Variants in PIWIL1 observed in about 807,000 individuals in gnomAD.
The protein encoded by PIWIL1 is piwi-like protein 1.
PIWIL1 carries 73 observed loss-of-function variants against 114.4 expected under a neutral mutation model. The observed-to-expected ratio is 0.64, with a 90% confidence interval of 0.53 to 0.78. PIWIL1 has a LOEUF of 0.78. Ranked by LOEUF, PIWIL1 falls within the 30% of genes least tolerant of loss-of-function variation. PIWIL1 has a pLI of 0.00. For missense variants in PIWIL1, 723 were observed against 1,063.1 expected (o/e 0.68, Z 4.45); for synonymous variants, 375 against 369.0 (o/e 1.02, Z -0.19).
intron 3 of PIWIL1, among the ~76,000 whole-genome samples, chr12:130,343,828 C>G (rs569451489): frequency 6.6e-6 from 1 of 152,010 alleles, no homozygotes; most frequent in African/African-American, 2.4e-5. Flanking sequence ...GGGGTTTCAC[C>G]GTGTTAGCCA....
intron 1 of PIWIL1, among the ~76,000 whole-genome samples, chr12:130,339,005 G>A (rs914658760): frequency 6.6e-6 from 1 of 152,066 alleles, no homozygotes; most frequent in East Asian, 1.9e-4. Flanking sequence ...GAGCTCTGCA[G>A]GAGGGCCTTC....
rs1186526606 is a variant in PIWIL1, at chr12:130,357,521, T to A, written c.1633T>A (p.Leu545Ile). Residue 545 changes from leucine to isoleucine, a missense_variant, in exon 14 of 21, where the codon TTA (leucine) becomes ATA (isoleucine). By Grantham distance (5) the Leu-to-Ile change is conservative. Around this residue, in one of 8 missense-constraint regions of PIWIL1, gnomAD observed 298 missense variants for 420.8 expected, o/e 0.71. Transcript: ENST00000245255. ...DDRTEAYLRV[L>I]QQKVTADTQI... ...CAGAACTGAAGCCTACTTAAGAGTC[T>A]TACAGCAAAAGGTCACAGCAGACAC... The A allele has an allele frequency of 1.2e-6, 2 of 1,613,344 alleles. No homozygotes were observed. Among genetic ancestry groups the A allele is most frequent in the African/African-American group, 2.7e-5 (2 of 74,916 alleles).
chr12:130,345,359 T>C (rs1164511374), intron 3 of PIWIL1: 1 of 155,000 alleles, frequency 6.5e-6, no homozygotes, highest in African/African-American at 2.4e-5. Flanking sequence ...TGTAATTGCA[T>C]CATGACAGAC....
chr12:130,399,932 A>G, the PIWIL1 span: 1 of 1,180,320 alleles, frequency 8.5e-7, no homozygotes, highest in African/African-American at 1.5e-5. Flanking sequence ...CTGGTTCAAA[A>G]GTGGCAGGAC....
At chr12:130,423,495 T>C in the PIWIL1 span, among the ~76,000 whole-genome samples, 5 of 151,928 alleles carry the variant, frequency 3.3e-5, no homozygotes, top group African/African-American at 4.8e-5. Context: ...GGACACAATA[T>C]AGAGATGAAT....
chr12:130,362,230 T>C (rs7311305), intron 16 of PIWIL1, among the ~76,000 whole-genome samples: 5,953 of 152,168 alleles, frequency 0.039, 157 homozygotes, highest in African/African-American at 0.08. Flanking sequence ...TCCTCCCACC[T>C]TCCACCCCCA....
At position 130,362,949 on chromosome 12, in the gene PIWIL1, C is replaced by T. The variant is rs115170081; in HGVS notation, c.2042-42C>T. The T allele has an allele frequency of 2.4e-3, 3,893 of 1,611,922 alleles. 61 individuals carry two copies. In the African/African-American group the frequency reaches 0.039, roughly 16 times the overall value. ...TTTGGGAAGAACAGACGAGTTGTGT[C>T]GTAGGCATGAATTGACATAAAACTT... On this transcript the variant is annotated intron_variant, in intron 17 of 20. Coordinates refer to ENST00000245255, the MANE Select transcript of PIWIL1 (RefSeq NM_004764.5).
intron 14 of PIWIL1, among the ~76,000 whole-genome samples, chr12:130,357,782 C>G (rs2073404236): frequency 6.6e-6 from 1 of 152,134 alleles, no homozygotes; most frequent in Non-Finnish European, 1.5e-5. Flanking sequence ...TGGAGAAAAA[C>G]AAAGCCATCT....
the PIWIL1 span, among the ~76,000 whole-genome samples, chr12:130,401,640 A>ACAT: frequency 6.6e-5 from 10 of 151,866 alleles, no homozygotes; most frequent in African/African-American, 2.4e-4. Flanking sequence ...TTCTCTGTTG[A>ACAT]CATTACAGAC....
chr12:130,402,111 A>T, the PIWIL1 span, among the ~76,000 whole-genome samples: 1 of 151,900 alleles, frequency 6.6e-6, no homozygotes, highest in Non-Finnish European at 1.5e-5. Context: ...GTACCATGTC[A>T]CTCCCTTCCC....
At chr12:130,417,449 T>C in the PIWIL1 span, among the ~76,000 whole-genome samples, 11 of 152,110 alleles carry the variant, frequency 7.2e-5, no homozygotes, top group Admixed American at 2.6e-4. Context: ...CTGGAGGCCA[T>C]CATCCCAAGA....
Position 130,361,218 on chromosome 12 carries a change from C to G in PIWIL1, c.1704C>G (p.Tyr568Ter), listed in dbSNP as rs151261790. 2 of 1,613,980 alleles carry G rather than the reference C, an allele frequency of 1.2e-6. No individual in the cohort carries two copies. The highest frequency in any genetic ancestry group is 1.7e-6 in the Non-Finnish European group (2 of 1,180,026). The change falls in exon 15 of 21, where the codon TAC becomes TAG. Residue 568 changes from tyrosine (Y) to a stop codon, truncating the protein, a stop_gained. Coordinates refer to ENST00000245255, the MANE Select transcript of PIWIL1 (RefSeq NM_004764.5). LOFTEE classifies it high-confidence loss of function. Reference sequence around the variant, plus strand: ...TGTCAAGTAATCGGAAGGACAAATACGATGCTATTAAAAAATACCTGTGTA... The same window carrying G: ...TGTCAAGTAATCGGAAGGACAAATAGGATGCTATTAAAAAATACCTGTGTA... ...CLLSSNRKDK[Y>*]DAIKKYLCTD...
chr12:130,371,123 GA>G, intron 19 of PIWIL1, 52 bp from the exon 20 acceptor site: 1 of 1,498,914 alleles, frequency 6.7e-7, no homozygotes, highest in Non-Finnish European at 9.3e-7. Context: ...TAAGAAACTG[GA>G]ATCACCCTAA....
the PIWIL1 span, among the ~76,000 whole-genome samples, chr12:130,387,652 T>C: frequency 7.9e-6 from 1 of 126,486 alleles, no homozygotes; most frequent in East Asian, 2.5e-4. Flanking sequence ...ACACCACCCC[T>C]TCCTGTCTCC....
At chr12:130,389,254 A>T in the PIWIL1 span, among the ~76,000 whole-genome samples, 1 of 151,882 alleles carries the variant, frequency 6.6e-6, no homozygotes, top group African/African-American at 2.4e-5. Flanking sequence ...TGGGCTTATA[A>T]TTTTTTCATT....
intron 6 of PIWIL1, among the ~76,000 whole-genome samples, 191 bp downstream of exon 6, chr12:130,347,253 C>G (rs2073094261): frequency 1.3e-5 from 2 of 152,168 alleles, no homozygotes; most frequent in African/African-American, 4.8e-5. Flanking sequence ...AGTATCCTGC[C>G]TTTACTTCCC....
rs986358092 is a variant in PIWIL1, at chr12:130,355,080, T to C, written c.1289+75T>C. The C allele has an allele frequency of 1.3e-5, 12 of 897,382 alleles. No homozygotes were observed. In the Admixed American group the frequency reaches 2.0e-4, roughly 15 times the overall value. The allele number at this position is 897,382 out of a possible 1,614,324, so 55.6% of individuals were successfully genotyped here. A position where few individuals can be genotyped will look rare whatever the true frequency, so the allele number is the denominator to read the frequency against. On this transcript the variant is annotated intron_variant, in intron 11 of 20. Coordinates refer to ENST00000245255, the MANE Select transcript of PIWIL1 (RefSeq NM_004764.5). Reference sequence around the variant, plus strand: ...TTTATGTGGCTTTGAGGGGTATCTTTTGAGGGAGTGGCAGAAAGTAACTTT... The same window carrying C: ...TTTATGTGGCTTTGAGGGGTATCTTCTGAGGGAGTGGCAGAAAGTAACTTT...
At chr12:130,389,634 G>C in the PIWIL1 span, among the ~76,000 whole-genome samples, 1 of 151,960 alleles carries the variant, frequency 6.6e-6, no homozygotes, top group Non-Finnish European at 1.5e-5. Flanking sequence ...TAATTTAAAA[G>C]TATTATTAAC....
chr12:130,425,802 A>G, the PIWIL1 span: 1 of 152,284 alleles, frequency 6.6e-6, no homozygotes, highest in Non-Finnish European at 1.5e-5. Context: ...CGGGATGCTC[A>G]GTAGAGATGA....
Sources: gnomAD v4.1 joint callset for allele counts (sites outside exome capture counted in the v4.1 genomes callset) on GRCh38, gnomAD v4.1.1 for gene constraint, gnomAD v4.1.1 regional missense constraint, MANE v1.5 for transcripts, NCBI Gene and HGNC (gene_info 2026-07-23, HGNC 2026-07-21) for gene names.